SV2B: variants seen among roughly 807,000 people sequenced by gnomAD.
SV2B encodes synaptic vesicle glycoprotein 2B.
A neutral mutation model predicts 73.9 loss-of-function variants in SV2B; 41 were observed. The ratio of observed to expected loss-of-function variants is 0.56; its 90% CI spans 0.43 to 0.72. The LOEUF (loss-of-function observed/expected upper bound fraction) is 0.72, where lower values mean the gene tolerates loss of function less well. Ranked by LOEUF, SV2B falls within the 30% of genes least tolerant of loss-of-function variation. The pLI, the probability that SV2B is intolerant of heterozygous loss-of-function variation, is 0.00. For missense variants in SV2B, 764 were observed against 857.8 expected, an observed-to-expected ratio of 0.89 and a Z score of 1.37; for synonymous variants, 314 against 314.2, an observed-to-expected ratio of 1.00 and a Z score of 0.01.
chr15:91,208,736 G>T (rs1177764045), intron 1 of SV2B, among the ~76,000 whole-genome samples: 1 of 152,098 alleles, frequency 6.6e-6, no homozygotes, highest in Non-Finnish European at 1.5e-5. Flanking sequence ...GCAATAGGAG[G>T]GCAATGAAGA....
chr15:91,177,243 T>C (rs1416130703), intron 1 of SV2B, among the ~76,000 whole-genome samples: 1 of 152,070 alleles, frequency 6.6e-6, no homozygotes, highest in Non-Finnish European at 1.5e-5. Flanking sequence ...TCTGTTCCAT[T>C]GATCTATATC....
At chr15:91,144,255 G>C (rs2043082278) in intron 1 of SV2B, among the ~76,000 whole-genome samples, 2 of 152,156 alleles carry the variant, frequency 1.3e-5, no homozygotes, top group South Asian at 4.1e-4. Context: ...CACAGGACTG[G>C]AGTGGTTTGA....
chr15:91,153,004 A>T (rs148396826), intron 1 of SV2B, among the ~76,000 whole-genome samples: 2 of 152,228 alleles, frequency 1.3e-5, no homozygotes, highest in African/African-American at 4.8e-5. Flanking sequence ...TCTGCCTCCT[A>T]GTTGGTGCCT....
chr15:91,240,314 A>G lies in SV2B; in HGVS notation c.452-11505A>G, dbSNP rs1412228334. Among the ~76,000 whole-genome samples the G allele has an allele frequency of 6.6e-6, 1 of 152,226 alleles. No homozygotes were observed. Among genetic ancestry groups the G allele is most frequent in the Non-Finnish European group, 1.5e-5 (1 of 68,036 alleles). On this transcript the variant is annotated intron_variant, in intron 2 of 12. Transcript: ENST00000394232. This position sits in a 1 kb window ranked among gnomAD's most constrained non-coding sequence, Gnocchi z 4.6. ...TGCCTACAGAAGCATTGTGAGGATT[A>G]AATAAGATAAAGCCCATAAAGGGCT... is the stretch of plus-strand genomic sequence containing the variant.
At chr15:91,183,967 A>C (rs2044679072) in intron 1 of SV2B, among the ~76,000 whole-genome samples, 1 of 72,264 alleles carries the variant, frequency 1.4e-5, no homozygotes, top group Non-Finnish European at 3.3e-5. Flanking sequence ...GCCTGGGGAC[A>C]AAAAAAACTG....
intron 1 of SV2B, among the ~76,000 whole-genome samples, chr15:91,179,152 C>A (rs2141306852): frequency 6.6e-6 from 1 of 151,888 alleles, no homozygotes; most frequent in East Asian, 1.9e-4. Flanking sequence ...TGTTATGTAC[C>A]CAGTAGTCAT....
Position 91,130,267 on chromosome 15 carries a change from G to A in SV2B, c.-392+29904G>A, listed in dbSNP as rs1442230755. 6.6e-6 allele frequency among the ~76,000 whole-genome samples: 1 copy of A among 152,206 alleles called. No homozygotes were observed. The highest frequency in any genetic ancestry group is 2.4e-5 in the African/African-American group (1 of 41,450). The stretch of plus-strand genomic sequence containing the variant: ...GCAACTGGGAGAGAGGATGGGAGGA[G>A]TGTTGGAGGAATACTGAATTCCATA... On this transcript the variant is annotated intron_variant, in intron 1 of 12. Coordinates refer to ENST00000394232, the MANE Select transcript of SV2B (RefSeq NM_001323032.3). This position sits in a 1 kb window ranked among gnomAD's most constrained non-coding sequence, Gnocchi z 5.6.
At chr15:91,146,087 T>G (rs951606802) in intron 1 of SV2B, among the ~76,000 whole-genome samples, 9 of 152,196 alleles carry the variant, frequency 5.9e-5, no homozygotes, top group Admixed American at 2.0e-4. Flanking sequence ...ATTGCCTAGG[T>G]TGTCTTCCAG....
At chr15:91,099,955 T>C (rs1775879450), upstream of SV2B, 1 of 152,272 alleles carries the variant, frequency 6.6e-6, no homozygotes, top group African/African-American at 2.4e-5. Flanking sequence ...GTTTAATATT[T>C]ATTGGTCTGC....
intron 1 of SV2B, among the ~76,000 whole-genome samples, chr15:91,104,078 A>G (rs1282759550): frequency 6.6e-6 from 1 of 152,234 alleles, no homozygotes; most frequent in African/African-American, 2.4e-5. Flanking sequence ...GGGACTGATT[A>G]CATGCTTTAG....
Position 91,298,981 on chromosome 15 carries a change from C to G in SV2B, c.*6429C>G, listed in dbSNP as rs2049343177. On this transcript the variant is annotated 3_prime_UTR_variant, in exon 13 of 13. Transcript: ENST00000394232. The surrounding 1 kb of genome is among the most constrained non-coding windows in gnomAD (Gnocchi z 5.4). ...TTTCAATAGGGTATGAACAAAAGGC[C>G]TATAAAAATAGCTTTCCAATTCGCC... 6.6e-6 allele frequency: 1 copy of G among 152,066 alleles called. No individual in the cohort carries two copies. The highest frequency in any genetic ancestry group is 2.4e-5 in the African/African-American group (1 of 41,382). The allele number at this position is 152,066 out of a possible 1,614,324, so 9.4% of individuals were successfully genotyped here. A position where few individuals can be genotyped will look rare whatever the true frequency, so the allele number is the denominator to read the frequency against.
Position 91,141,543 on chromosome 15 carries a change from G to A in SV2B, c.-392+41180G>A, listed in dbSNP as rs865966685. 2.6e-5 allele frequency among the ~76,000 whole-genome samples: 4 copies of A among 152,178 alleles called. No homozygotes were observed. Among genetic ancestry groups the A allele is most frequent in the African/African-American group, 4.8e-5 (2 of 41,444 alleles). On this transcript the variant is annotated intron_variant, in intron 1 of 12. Transcript: ENST00000394232. The surrounding 1 kb of genome is among the most constrained non-coding windows in gnomAD (Gnocchi z 4.6). Reference sequence around the variant, plus strand: ...TTTCAGCGAGTTACCAAATTCCAGCGAGCTTTGCTTTGAATGTCTAAAGAG... The same window carrying A: ...TTTCAGCGAGTTACCAAATTCCAGCAAGCTTTGCTTTGAATGTCTAAAGAG...
rs906767111 is a variant in SV2B at position 91,128,400 on chromosome 15, G to A, written c.-392+28037G>A. 6.6e-6 allele frequency among the ~76,000 whole-genome samples: 1 copy of A among 152,110 alleles called. No homozygotes were observed. The highest frequency in any genetic ancestry group is 6.5e-5 in the Admixed American group (1 of 15,274). On this transcript the variant is annotated intron_variant, in intron 1 of 12. Coordinates refer to ENST00000394232, the MANE Select transcript of SV2B (RefSeq NM_001323032.3). The surrounding 1 kb of genome is among the most constrained non-coding windows in gnomAD (Gnocchi z 4.2). Reference sequence around the variant, plus strand: ...TGAATGGACCAGGTACTTACCCAGGGTCTGATTCCACCCCGCAAACCCTCA... The same window carrying A: ...TGAATGGACCAGGTACTTACCCAGGATCTGATTCCACCCCGCAAACCCTCA...
intron 1 of SV2B, among the ~76,000 whole-genome samples, chr15:91,143,954 A>G (rs2043072425): frequency 6.6e-6 from 1 of 152,222 alleles, no homozygotes. Context: ...GGAGAGTCTT[A>G]TAGCCTTTAA....
rs963605031 is a variant in SV2B at position 91,220,990 on chromosome 15, A to G, written c.-391-4883A>G. On this transcript the variant is annotated intron_variant, in intron 1 of 12. Coordinates refer to ENST00000394232, the MANE Select transcript of SV2B (RefSeq NM_001323032.3). This position sits in a 1 kb window ranked among gnomAD's most constrained non-coding sequence, Gnocchi z 4.1. ...GTGATCTTCCTTCCTCTGCCTCCTG[A>G]GGAGCTGGGATTACAGGTGTGTGCA... is the stretch of plus-strand genomic sequence containing the variant. 5.9e-5 allele frequency among the ~76,000 whole-genome samples: 9 copies of G among 152,138 alleles called. No individual in the cohort carries two copies. Among genetic ancestry groups the G allele is most frequent in the African/African-American group, 1.9e-4 (8 of 41,498 alleles).
intron 1 of SV2B, among the ~76,000 whole-genome samples, chr15:91,190,112 A>G (rs1016116076): frequency 6.6e-6 from 1 of 152,114 alleles, no homozygotes; most frequent in Non-Finnish European, 1.5e-5. Context: ...GAGAAATGCT[A>G]TTTTTTTAAA....
At chr15:91,210,100 G>T (rs1160819533) in intron 1 of SV2B, among the ~76,000 whole-genome samples, 1 of 151,984 alleles carries the variant, frequency 6.6e-6, no homozygotes, top group Non-Finnish European at 1.5e-5. Context: ...CCCGGGGGCT[G>T]AGTCTATGGC....
At chr15:91,182,757 T>A (rs1254048013) in intron 1 of SV2B, among the ~76,000 whole-genome samples, 9 of 152,208 alleles carry the variant, frequency 5.9e-5, no homozygotes, top group African/African-American at 2.2e-4. Context: ...TCATCGAAAT[T>A]TTCTTTTCTC....
At chr15:91,149,176 G>C (rs113217001) in intron 1 of SV2B, among the ~76,000 whole-genome samples, 3,022 of 152,306 alleles carry the variant, frequency 0.02, 112 homozygotes, top group African/African-American at 0.07. Context: ...TGAAATCCCT[G>C]TTACTCTGTC....
Sources: allele counts gnomAD v4.1 joint callset (sites outside exome capture counted in the v4.1 genomes callset), GRCh38; gene constraint gnomAD v4.1.1; non-coding constraint Gnocchi (gnomAD v3.1); transcripts MANE v1.5; gene names NCBI Gene and HGNC (gene_info 2026-07-23, HGNC 2026-07-21).